Variants in GRIK2 observed in about 807,000 individuals in gnomAD.
The protein encoded by GRIK2 is glutamate ionotropic receptor kainate type subunit 2.
Under a neutral mutation model 100.3 loss-of-function variants are expected in GRIK2, and 32 were observed. The observed-to-expected ratio is 0.32, with a 90% confidence interval of 0.24 to 0.43. GRIK2 has a LOEUF of 0.43. Ranked by LOEUF, GRIK2 falls within the 20% of genes least tolerant of loss-of-function variation. GRIK2 has a pLI of 1.00. For synonymous variants in GRIK2, 417 were observed against 389.4 expected (o/e 1.07, Z -0.83); for missense variants, 843 against 1,114.9 (o/e 0.76, Z 3.47).
At chr6:101,841,344 C>T (rs927446319) in intron 10 of GRIK2, among the ~76,000 whole-genome samples, 20 of 151,380 alleles carry the variant, frequency 1.3e-4, no homozygotes, top group African/African-American at 4.6e-4. Flanking sequence ...AACAAATTCA[C>T]GTGCATTGTG....
chr6:101,572,102 A>C (rs810197), intron 2 of GRIK2, among the ~76,000 whole-genome samples: 30,538 of 151,830 alleles, frequency 0.2, 5,459 homozygotes, highest in African/African-American at 0.49. Flanking sequence ...TTTTTTAATG[A>C]TTTTTTGTTA....
At chr6:101,810,696 C>G (rs1368508129) in intron 9 of GRIK2, among the ~76,000 whole-genome samples, 1 of 152,038 alleles carries the variant, frequency 6.6e-6, no homozygotes, top group East Asian at 1.9e-4. Context: ...TGGAAGTAAA[C>G]AGTTATTAAA....
At chr6:101,480,273 G>A in intron 2 of GRIK2, among the ~76,000 whole-genome samples, 1 of 152,070 alleles carries the variant, frequency 6.6e-6, no homozygotes, top group East Asian at 1.9e-4. Context: ...CCTGATGATG[G>A]TAGGAGAGAC....
At chr6:101,718,244 G>A (rs1213504960) in intron 7 of GRIK2, among the ~76,000 whole-genome samples, 1 of 151,712 alleles carries the variant, frequency 6.6e-6, no homozygotes, top group Non-Finnish European at 1.5e-5. Context: ...CATATTGGCT[G>A]TTTTCCAGGA....
At chr6:101,424,172 A>T (rs1002566733) in intron 2 of GRIK2, among the ~76,000 whole-genome samples, 2 of 150,858 alleles carry the variant, frequency 1.3e-5, no homozygotes, top group South Asian at 2.2e-4. Flanking sequence ...AATTTTTTTT[A>T]TTTTTTTTTA....
At chr6:101,854,227 T>C (rs1784296840) in intron 10 of GRIK2, among the ~76,000 whole-genome samples, 1 of 152,170 alleles carries the variant, frequency 6.6e-6, no homozygotes, top group Non-Finnish European at 1.5e-5. Context: ...TCAGTTTTGC[T>C]GTGAACCTAA....
At chr6:101,968,292 GC>G (rs947087436) in intron 14 of GRIK2, among the ~76,000 whole-genome samples, 5 of 151,978 alleles carry the variant, frequency 3.3e-5, no homozygotes, top group African/African-American at 1.2e-4. Context: ...TAGATGCAAA[GC>G]TTTTTAAAAC....
intron 4 of GRIK2, among the ~76,000 whole-genome samples, chr6:101,639,414 G>T (rs772991056): frequency 2.0e-5 from 3 of 152,148 alleles, no homozygotes; most frequent in East Asian, 1.9e-4. Context: ...AATCCAGATA[G>T]GATCTAGACT....
chr6:101,438,860 A>G (rs953537990), intron 2 of GRIK2, among the ~76,000 whole-genome samples: 1 of 152,154 alleles, frequency 6.6e-6, no homozygotes, highest in African/African-American at 2.4e-5. Context: ...CCTAGAAAGG[A>G]CAAATTTGTT....
chr6:101,576,968 C>T (rs1158729555), intron 2 of GRIK2, among the ~76,000 whole-genome samples: 1 of 151,914 alleles, frequency 6.6e-6, no homozygotes, highest in Non-Finnish European at 1.5e-5. Flanking sequence ...TTTTATATCT[C>T]GTAATCTAAT....
At chr6:101,413,326 A>G (rs1453333106) in intron 2 of GRIK2, among the ~76,000 whole-genome samples, 2 of 152,026 alleles carry the variant, frequency 1.3e-5, no homozygotes, top group African/African-American at 4.8e-5. Context: ...AAATTTATTT[A>G]CCAGACAACA....
intron 7 of GRIK2, among the ~76,000 whole-genome samples, chr6:101,787,729 T>G (rs962041213): frequency 6.6e-6 from 1 of 152,190 alleles, no homozygotes; most frequent in Non-Finnish European, 1.5e-5. Flanking sequence ...CCTTACATTG[T>G]TTTTCCTGGA....
chr6:101,569,967 CTTTG>C (rs1161391602), intron 2 of GRIK2, among the ~76,000 whole-genome samples: 2 of 152,132 alleles, frequency 1.3e-5, no homozygotes, highest in South Asian at 2.1e-4. Flanking sequence ...AATCTTTGAA[CTTTG>C]TTTATTGTGA....
intron 14 of GRIK2, among the ~76,000 whole-genome samples, chr6:102,033,170 G>A (rs1770085927): frequency 6.6e-6 from 1 of 150,992 alleles, no homozygotes. Flanking sequence ...ATTTGGAATA[G>A]CATCTAGCAC....
chr6:101,681,695 T>C (rs1408816868), intron 5 of GRIK2, among the ~76,000 whole-genome samples: 1 of 152,202 alleles, frequency 6.6e-6, no homozygotes, highest in African/African-American at 2.4e-5. Context: ...ATGCAGAATG[T>C]AGTTGAGGCA....
intron 14 of GRIK2, among the ~76,000 whole-genome samples, chr6:101,971,231 G>A (rs936425902): frequency 6.6e-6 from 1 of 151,854 alleles, no homozygotes; most frequent in East Asian, 1.9e-4. Context: ...AAGTACTCCT[G>A]TTGTTATATT....
At chr6:101,594,699 G>A (rs1582791525) in intron 2 of GRIK2, among the ~76,000 whole-genome samples, 1 of 151,738 alleles carries the variant, frequency 6.6e-6, no homozygotes, top group African/African-American at 2.4e-5. Context: ...AAAATTCAGT[G>A]GAGTAGCAAG....
chr6:101,516,713 C>A (rs2128279978), intron 2 of GRIK2, among the ~76,000 whole-genome samples: 1 of 152,152 alleles, frequency 6.6e-6, no homozygotes, highest in Non-Finnish European at 1.5e-5. Context: ...CATTTATATG[C>A]ATGTAGCTAT....
At chr6:101,689,380 G>C (rs1344674497) in intron 7 of GRIK2, among the ~76,000 whole-genome samples, 1 of 152,096 alleles carries the variant, frequency 6.6e-6, no homozygotes, top group Non-Finnish European at 1.5e-5. Context: ...TAAGATCATA[G>C]TGCTCAGACT....
Sources: allele counts gnomAD v4.1 joint callset (sites outside exome capture counted in the v4.1 genomes callset), GRCh38; gene constraint gnomAD v4.1.1; transcripts MANE v1.5; gene names NCBI Gene and HGNC (gene_info 2026-07-23, HGNC 2026-07-21).